The following RBFOX1 variants were observed in gnomAD, a reference collection of about 807,000 sequenced individuals.
RBFOX1 encodes RNA binding protein fox-1 homolog 1.
In RBFOX1, 8 loss-of-function variants were observed where a neutral mutation model predicts 57.7. That is an observed-to-expected ratio of 0.14 (90% CI 0.08 to 0.25). The LOEUF is 0.25. RBFOX1 is among the 10% of genes least tolerant of loss of function. The pLI is 1.00. For synonymous variants in RBFOX1, 326 were observed against 222.4 expected, an observed-to-expected ratio of 1.47 and a Z score of -4.15; for missense variants, 611 against 548.5, an observed-to-expected ratio of 1.11 and a Z score of -1.14.
In RBFOX1 at chr16:7,710,614, T is replaced by C; in HGVS notation, c.1072-9T>C. 1 of 1,610,886 alleles carries C rather than the reference T, an allele frequency of 6.2e-7. No homozygotes were observed. Among genetic ancestry groups the C allele is most frequent in the South Asian group, 1.1e-5 (1 of 90,348 alleles). On this transcript the variant is annotated splice_polypyrimidine_tract_variant and intron_variant, in intron 15 of 15. Coordinates refer to ENST00000550418, the MANE Select transcript of RBFOX1 (RefSeq NM_018723.4). ...TAAAAAACACACCCCTCAAATTGCT[T>C]TGTTTCAGAATGCTTTTGCACCTTT...
chr16:5,736,261 T>G (rs1395398786), intron 3 of RBFOX1, among the ~76,000 whole-genome samples: 2 of 152,138 alleles, frequency 1.3e-5, no homozygotes, highest in Non-Finnish European at 2.9e-5. Flanking sequence ...GACATCTGTT[T>G]TGGGAAGTAT....
chr16:6,522,730 A>G (rs572998549), intron 2 of RBFOX1, among the ~76,000 whole-genome samples: 6 of 152,254 alleles, frequency 3.9e-5, no homozygotes, highest in African/African-American at 1.4e-4. Context: ...TTGGTAAAGG[A>G]GACTGAATTG....
At chr16:5,905,678 C>A (rs1216615051) in intron 4 of RBFOX1, among the ~76,000 whole-genome samples, 1 of 152,046 alleles carries the variant, frequency 6.6e-6, no homozygotes, top group Non-Finnish European at 1.5e-5. Flanking sequence ...CAGAGGGAGA[C>A]CCTGTCCAAC....
intron 3 of RBFOX1, among the ~76,000 whole-genome samples, chr16:6,788,673 C>T (rs1231365842): frequency 1.3e-5 from 2 of 151,822 alleles, no homozygotes; most frequent in East Asian, 3.9e-4. Flanking sequence ...GACGGGGTTT[C>T]ACCGTGTTAG....
intron 3 of RBFOX1, among the ~76,000 whole-genome samples, chr16:6,994,868 C>G (rs1343488646): frequency 6.6e-6 from 1 of 151,792 alleles, no homozygotes; most frequent in Non-Finnish European, 1.5e-5. Context: ...GAGATGTTAT[C>G]AAAACAAAAT....
At chr16:6,884,752 G>T (rs1052822670) in intron 3 of RBFOX1, among the ~76,000 whole-genome samples, 5 of 152,038 alleles carry the variant, frequency 3.3e-5, no homozygotes, top group African/African-American at 1.2e-4. Flanking sequence ...ACAAAAATTA[G>T]CTAGGTGTGA....
intron 4 of RBFOX1, among the ~76,000 whole-genome samples, chr16:7,426,363 C>T (rs552019168): frequency 6.6e-6 from 1 of 152,164 alleles, no homozygotes; most frequent in South Asian, 2.1e-4. Flanking sequence ...ACTTAACACC[C>T]AGCTCTGGGG....
chr16:6,579,609 C>G (rs754616904), intron 2 of RBFOX1, among the ~76,000 whole-genome samples: 6 of 152,128 alleles, frequency 3.9e-5, no homozygotes, highest in Non-Finnish European at 8.8e-5. Flanking sequence ...TGTTTGCTTC[C>G]CCTTCCGCCA....
chr16:7,290,045 C>G (rs2095736376), intron 4 of RBFOX1, among the ~76,000 whole-genome samples: 2 of 152,094 alleles, frequency 1.3e-5, no homozygotes, highest in Admixed American at 1.3e-4. Context: ...CTGTGCTTCC[C>G]AGGGTTACAT....
intron 2 of RBFOX1, among the ~76,000 whole-genome samples, chr16:6,571,459 A>G (rs1567723539): frequency 6.6e-6 from 1 of 152,170 alleles, no homozygotes; most frequent in Non-Finnish European, 1.5e-5. Flanking sequence ...TAAGTTGTGT[A>G]TGCTTCATAT....
At chr16:5,699,367 T>A (rs1303039965) in intron 3 of RBFOX1, among the ~76,000 whole-genome samples, 1 of 56,486 alleles carries the variant, frequency 1.8e-5, no homozygotes, top group Non-Finnish European at 3.8e-5. Flanking sequence ...TCCCTTAATT[T>A]TCCTTTTTTT....
intron 3 of RBFOX1, among the ~76,000 whole-genome samples, chr16:5,685,673 G>A (rs2050482665): frequency 6.6e-6 from 1 of 152,144 alleles, no homozygotes; most frequent in Non-Finnish European, 1.5e-5. Context: ...TCAAGCTGAG[G>A]CCATCTCATC....
intron 1 of RBFOX1, among the ~76,000 whole-genome samples, chr16:6,280,832 C>T (rs779803739): frequency 6.6e-6 from 1 of 151,898 alleles, no homozygotes; most frequent in Non-Finnish European, 1.5e-5. Context: ...AGGACACATA[C>T]TACAGAGAGT....
intron 3 of RBFOX1, among the ~76,000 whole-genome samples, chr16:7,050,502 A>G (rs1422469714): frequency 6.6e-6 from 1 of 151,986 alleles, no homozygotes; most frequent in Non-Finnish European, 1.5e-5. Context: ...CTGACCTCAC[A>G]TGATCCACCC....
intron 2 of RBFOX1, among the ~76,000 whole-genome samples, chr16:6,653,699 A>G (rs569624467): frequency 2.5e-4 from 37 of 150,400 alleles, no homozygotes; most frequent in African/African-American, 9.1e-4. Flanking sequence ...TGAAGGAAGG[A>G]AAGATGGATG....
intron 11 of RBFOX1, 65 bp from the exon 12 acceptor site, chr16:7,653,750 C>T: frequency 6.3e-7 from 1 of 1,597,456 alleles, no homozygotes. Context: ...GGGGCAGTTC[C>T]CTCCACAGCA....
intron 4 of RBFOX1, among the ~76,000 whole-genome samples, chr16:7,311,478 C>CTTTTTTTTTTTTTTTTTTTTTT (rs1190746565): frequency 4.9e-5 from 6 of 122,522 alleles, no homozygotes; most frequent in Non-Finnish European, 6.5e-5. Flanking sequence ...TGAGCCTTTT[C>CTTTTTTTTTTTTTTTTTTTTTT]TTTTTTTTTT....
chr16:7,571,613 A>G (rs1271975360), intron 5 of RBFOX1, among the ~76,000 whole-genome samples: 2 of 152,108 alleles, frequency 1.3e-5, no homozygotes, highest in Non-Finnish European at 2.9e-5. Flanking sequence ...GTATTAAGAA[A>G]AATTCTGCCG....
chr16:6,792,653 A>C (rs769648511), intron 3 of RBFOX1, among the ~76,000 whole-genome samples: 1 of 152,200 alleles, frequency 6.6e-6, no homozygotes, highest in Admixed American at 6.5e-5. Context: ...ACTTGATGTC[A>C]TGTCTTTTTC....
Sources: gnomAD v4.1 joint callset for allele counts (sites outside exome capture counted in the v4.1 genomes callset) on GRCh38, gnomAD v4.1.1 for gene constraint, MANE v1.5 for transcripts, NCBI Gene and HGNC (gene_info 2026-07-23, HGNC 2026-07-21) for gene names.